The following CGNL1 variants were observed in gnomAD, a reference collection of about 807,000 sequenced individuals.
CGNL1 encodes the protein cingulin like 1.
A neutral mutation model predicts 141.2 loss-of-function variants in CGNL1; 132 were observed. The observed-to-expected ratio is 0.93, with a 90% CI of 0.81 to 1.08. The LOEUF is 1.08. CGNL1 is among the 50% of genes least tolerant of loss of function. The pLI is 0.00. For missense variants in CGNL1, 1,870 were observed against 1,588.6 expected (o/e 1.18, Z -3.01); for synonymous variants, 690 against 622.1 (o/e 1.11, Z -1.63).
At chr15:57,535,962 T>A (rs970947533) in intron 14 of CGNL1, among the ~76,000 whole-genome samples, 2 of 152,186 alleles carry the variant, frequency 1.3e-5, no homozygotes, top group Non-Finnish European at 2.9e-5. Flanking sequence ...GTTTATAAGT[T>A]CCCAGCCTGT....
At position 57,548,863 on chromosome 15, in the gene CGNL1, G is replaced by A. The variant is rs954242788; in HGVS notation, c.*1373G>A. ...GAGGAGATAGGCAGATGTGGGTATG[G>A]GGCCCAGTGTGAGAAGGAAGACAGA... On this transcript the variant is annotated 3_prime_UTR_variant, in exon 19 of 19. Transcript: ENST00000281282. The A allele has an allele frequency of 3.9e-5, 6 of 152,602 alleles. No individual in the cohort carries two copies. The highest frequency in any genetic ancestry group is 9.7e-5 in the African/African-American group (4 of 41,444). The allele number at this position is 152,602 out of a possible 1,614,324, so 9.5% of individuals were successfully genotyped here.
intron 1 of CGNL1, among the ~76,000 whole-genome samples, chr15:57,406,769 G>A (rs987769662): frequency 6.6e-6 from 1 of 152,200 alleles, no homozygotes; most frequent in Non-Finnish European, 1.5e-5. Flanking sequence ...AATTTGTAGT[G>A]AGTGTACTGA....
chr15:57,473,899 C>CTTCT (rs1491382432), intron 8 of CGNL1, among the ~76,000 whole-genome samples: 81 of 70,688 alleles, frequency 1.1e-3, no homozygotes, highest in East Asian at 2.7e-3. Context: ...TCTTCTTCTT[C>CTTCT]TTTTTTTTTT....
chr15:57,409,281 A>G (rs1281030393), intron 1 of CGNL1, among the ~76,000 whole-genome samples: 3 of 152,204 alleles, frequency 2.0e-5, no homozygotes, highest in African/African-American at 7.2e-5. Flanking sequence ...GAGTAGGTGC[A>G]GAGCCTGCGC....
At chr15:57,541,892 C>T (rs1439761418) in intron 14 of CGNL1, among the ~76,000 whole-genome samples, 1 of 152,166 alleles carries the variant, frequency 6.6e-6, no homozygotes, top group East Asian at 1.9e-4. Context: ...TTCTTTGGAC[C>T]ACCTGGTACC....
chr15:57,393,633 A>G (rs1199507262), intron 1 of CGNL1, among the ~76,000 whole-genome samples: 1 of 152,102 alleles, frequency 6.6e-6, no homozygotes, highest in Non-Finnish European at 1.5e-5. Flanking sequence ...TTGGTACGTT[A>G]TGTTCCAGAG....
In CGNL1 at chr15:57,486,857, C is replaced by A. The variant is rs570253145; in HGVS notation, c.2403+24965C>A. On this transcript the variant is annotated intron_variant, in intron 8 of 18. Coordinates refer to ENST00000281282, the MANE Select transcript of CGNL1 (RefSeq NM_032866.5). The stretch of plus-strand genomic sequence containing the variant: ...AACAGCTGCTTGCAATAGTTGCATG[C>A]TCCTGAGGGGGAGGCTGTTTGCATT... Among the ~76,000 whole-genome samples, 81 of 152,306 alleles carry A rather than the reference C, an allele frequency of 5.3e-4. No homozygotes were observed. In the Middle Eastern group the frequency reaches 0.02, roughly 38 times the overall value.
intron 8 of CGNL1, among the ~76,000 whole-genome samples, chr15:57,487,567 A>G (rs1372031600): frequency 3.9e-5 from 6 of 152,206 alleles, no homozygotes; most frequent in African/African-American, 1.4e-4. Context: ...AAATGAATCT[A>G]TATACTCAGA....
chr15:57,478,753 C>G (rs1302954866), intron 8 of CGNL1, among the ~76,000 whole-genome samples: 1 of 152,214 alleles, frequency 6.6e-6, no homozygotes, highest in Non-Finnish European at 1.5e-5. Flanking sequence ...ATCCTTCCAG[C>G]TCAGCCTACA....
At chr15:57,412,036 C>T (rs758963786) in intron 1 of CGNL1, among the ~76,000 whole-genome samples, 55 of 152,212 alleles carry the variant, frequency 3.6e-4, no homozygotes, top group African/African-American at 6.0e-4. Context: ...GTGTGACATT[C>T]GCAGGTTTCC....
intron 8 of CGNL1, among the ~76,000 whole-genome samples, chr15:57,510,334 C>T (rs564037050): frequency 4.6e-5 from 7 of 152,358 alleles, no homozygotes; most frequent in African/African-American, 1.7e-4. Flanking sequence ...GAGGCCAGGT[C>T]CAGTGGAAGG....
chr15:57,470,204 A>C (rs1409707826), intron 8 of CGNL1, among the ~76,000 whole-genome samples: 17 of 149,232 alleles, frequency 1.1e-4, no homozygotes, highest in Admixed American at 1.1e-3. Context: ...CATAGGCAAA[A>C]GTGAAATGGG....
intron 1 of CGNL1, among the ~76,000 whole-genome samples, chr15:57,437,009 G>C (rs2063113819): frequency 6.6e-6 from 1 of 152,070 alleles, no homozygotes; most frequent in Admixed American, 6.5e-5. Context: ...AAAGACAACT[G>C]TTATTTGTGA....
At chr15:57,385,235 A>G (rs1276208387) in intron 1 of CGNL1, among the ~76,000 whole-genome samples, 2 of 152,216 alleles carry the variant, frequency 1.3e-5, no homozygotes, top group Non-Finnish European at 2.9e-5. Flanking sequence ...GAGCTAGTAG[A>G]AAGTAGTTTC....
At chr15:57,388,093 T>C (rs1567087597) in intron 1 of CGNL1, among the ~76,000 whole-genome samples, 1 of 152,204 alleles carries the variant, frequency 6.6e-6, no homozygotes, top group Non-Finnish European at 1.5e-5. Flanking sequence ...ACTTCTGACC[T>C]TATCTGCAGT....
chr15:57,413,158 T>G (rs1331935571), intron 1 of CGNL1, among the ~76,000 whole-genome samples: 1 of 150,910 alleles, frequency 6.6e-6, no homozygotes, highest in African/African-American at 2.4e-5. Flanking sequence ...ACACCCGGCC[T>G]TCTTCTCCTT....
At chr15:57,425,831 T>C (rs1310867928) in intron 1 of CGNL1, among the ~76,000 whole-genome samples, 2 of 152,072 alleles carry the variant, frequency 1.3e-5, no homozygotes, top group African/African-American at 4.8e-5. Context: ...CCTTTTTTTG[T>C]TTATATAATT....
rs1006811111 is a variant in CGNL1 at position 57,550,482 on chromosome 15, T to C, written c.*2992T>C. 6.6e-6 allele frequency: 1 copy of C among 152,654 alleles called. No homozygotes were observed. The highest frequency in any genetic ancestry group is 6.5e-5 in the Admixed American group (1 of 15,282). 9.5% of individuals were successfully genotyped at this position (152,654 alleles called of 1,614,324 possible). On this transcript the variant is annotated 3_prime_UTR_variant, in exon 19 of 19. Coordinates refer to ENST00000281282, the MANE Select transcript of CGNL1 (RefSeq NM_032866.5). The stretch of plus-strand genomic sequence containing the variant: ...TATATTTTATGTAAAAACACATACA[T>C]GGCCAAATGCAATACTGAAGAGACA...
At position 57,461,948 on chromosome 15, in the gene CGNL1, C is replaced by G. The variant is rs796250765; in HGVS notation, c.2403+56C>G. Reference sequence around the variant, plus strand: ...TGAACAGATGAAAGGGTAAGACCCTCTCTCCCACACCACTGCAAATCCCCT... The same window carrying G: ...TGAACAGATGAAAGGGTAAGACCCTGTCTCCCACACCACTGCAAATCCCCT... On this transcript the variant is annotated intron_variant, in intron 8 of 18. Coordinates refer to ENST00000281282, the MANE Select transcript of CGNL1 (RefSeq NM_032866.5). The G allele has an allele frequency of 1.6e-5, 20 of 1,279,884 alleles. No individual in the cohort carries two copies. The African/African-American group carries it at 2.3e-4, about 15-fold the overall frequency. The allele number at this position is 1,279,884 out of a possible 1,614,324, so 79.3% of individuals were successfully genotyped here.
Sources: allele counts gnomAD v4.1 joint callset (sites outside exome capture counted in the v4.1 genomes callset), GRCh38; gene constraint gnomAD v4.1.1; transcripts MANE v1.5; gene names NCBI Gene and HGNC (gene_info 2026-07-23, HGNC 2026-07-21).